CTCF: variants seen among roughly 807,000 people sequenced by gnomAD.
The protein encoded by CTCF is transcriptional repressor CTCF.
Under a neutral mutation model 72.3 loss-of-function variants are expected in CTCF, and 7 were observed. The observed-to-expected ratio is 0.10, with a 90% CI of 0.06 to 0.18. The LOEUF (loss-of-function observed/expected upper bound fraction) is 0.18, where lower values mean the gene tolerates loss of function less well. Ranked by LOEUF, CTCF falls within the 10% of genes least tolerant of loss-of-function variation. The probability of loss-of-function intolerance (pLI) is 1.00; values close to 1 mark genes in which losing one functional copy is unlikely to be tolerated. For synonymous variants in CTCF, 374 were observed against 315.8 expected, an observed-to-expected ratio of 1.18 and a Z score of -1.95; for missense variants, 516 against 949.1, an observed-to-expected ratio of 0.54 and a Z score of 6.00.
intron 2 of CTCF, among the ~76,000 whole-genome samples, chr16:67,606,477 G>A (rs924417835): frequency 1.3e-5 from 2 of 152,134 alleles, no homozygotes; most frequent in Non-Finnish European, 2.9e-5. Flanking sequence ...TGTAGGACCA[G>A]GCCTCCCAAA....
chr16:67,636,544 T>C lies in CTCF; in HGVS notation c.1838-146T>C, dbSNP rs146287441. 0.026 allele frequency: 5,751 copies of C among 220,496 alleles called. 105 individuals carry two copies. Among genetic ancestry groups the C allele is most frequent in the South Asian group, 0.053 (308 of 5,782 alleles). The allele number at this position is 220,496 out of a possible 1,614,324, so 13.7% of individuals were successfully genotyped here. On this transcript the variant is annotated intron_variant, in intron 10 of 11. Coordinates refer to ENST00000264010, the MANE Select transcript of CTCF (RefSeq NM_006565.4). ...GCCTGGGCAATAGAGTGAGACTGTC[T>C]CAAAAAAAAAAAAAGAAAGAAAGTG... is the stretch of plus-strand genomic sequence containing the variant.
intron 2 of CTCF, among the ~76,000 whole-genome samples, chr16:67,596,925 A>C (rs1448504256): frequency 6.6e-6 from 1 of 152,168 alleles, no homozygotes; most frequent in African/African-American, 2.4e-5. Flanking sequence ...TTAAAATCTC[A>C]ATCATTTCCT....
At chr16:67,610,244 G>C (rs550602900) in intron 2 of CTCF, among the ~76,000 whole-genome samples, 1 of 151,950 alleles carries the variant, frequency 6.6e-6, no homozygotes, top group East Asian at 1.9e-4. Flanking sequence ...AACATCCTGA[G>C]TCACCAATTT....
intron 10 of CTCF, among the ~76,000 whole-genome samples, chr16:67,633,781 GACACACACACACAC>G (rs10587869): frequency 4.2e-5 from 6 of 143,106 alleles, no homozygotes; most frequent in South Asian, 2.2e-4. Flanking sequence ...CTTGTCCCCT[GACACACACACACAC>G]ACACACACAC....
At chr16:67,610,350 C>CTTTTTTTTTTT (rs1158978403) in intron 2 of CTCF, among the ~76,000 whole-genome samples, 4 of 121,388 alleles carry the variant, frequency 3.3e-5, no homozygotes, top group Non-Finnish European at 6.9e-5. Context: ...TTTTCTTTTT[C>CTTTTTTTTTTT]TTTTTTTTTT....
intron 2 of CTCF, among the ~76,000 whole-genome samples, chr16:67,573,477 A>G (rs767454130): frequency 6.6e-6 from 1 of 152,134 alleles, no homozygotes; most frequent in Non-Finnish European, 1.5e-5. Context: ...TATTAAAACA[A>G]ATAGACATTT....
chr16:67,607,847 G>A (rs950492354), intron 2 of CTCF, among the ~76,000 whole-genome samples: 39 of 150,534 alleles, frequency 2.6e-4, no homozygotes, highest in African/African-American at 8.1e-4. Flanking sequence ...GTGAAACCCC[G>A]TATCTGCTAA....
Position 67,621,475 on chromosome 16 carries a change from C to A in CTCF, c.1241C>A (p.Ala414Asp). Residue 414 changes from alanine (A) to aspartate (D), a missense_variant, in exon 7 of 12, where the codon GCT becomes GAT. Ala to Asp is a moderately radical substitution (Grantham distance 126). Coordinates refer to ENST00000264010, the MANE Select transcript of CTCF (RefSeq NM_006565.4). ...EKPYECYICHARFTQSGTMKM... is the reference protein window; with the variant it reads ...EKPYECYICHDRFTQSGTMKM... ...CCTTATGAATGTTATATTTGTCATG[C>A]TCGGTTTACCCAAAGTGGTACCATG... The A allele has an allele frequency of 6.2e-7, 1 of 1,610,382 alleles. No individual in the cohort carries two copies. Among genetic ancestry groups the A allele is most frequent in the Non-Finnish European group, 8.5e-7 (1 of 1,176,854 alleles).
At chr16:67,588,708 A>G (rs996183809) in intron 2 of CTCF, among the ~76,000 whole-genome samples, 3 of 151,640 alleles carry the variant, frequency 2.0e-5, no homozygotes, top group African/African-American at 7.3e-5. Context: ...TTTTTTTGAT[A>G]CAGATTCTCA....
At chr16:67,637,527 T>C (rs780434640) in intron 11 of CTCF, among the ~76,000 whole-genome samples, 161 bp from the exon 12 acceptor site, 1 of 152,104 alleles carries the variant, frequency 6.6e-6, no homozygotes, top group Non-Finnish European at 1.5e-5. Flanking sequence ...CAAGACTCCG[T>C]CTCAAAAAAT....
chr16:67,598,599 A>G (rs188256955), intron 2 of CTCF, among the ~76,000 whole-genome samples: 27 of 152,382 alleles, frequency 1.8e-4, no homozygotes, highest in Non-Finnish European at 3.7e-4. Context: ...TAGGTTTCAC[A>G]ATGAAAGAAA....
In CTCF at chr16:67,620,732, T is replaced by C. The variant is rs1174919011; in HGVS notation, c.1122T>C (p.Thr374=). 6.3e-7 allele frequency: 1 copy of C among 1,597,016 alleles called. No homozygotes were observed. The highest frequency in any genetic ancestry group is 8.6e-7 in the Non-Finnish European group (1 of 1,166,898). The part of the protein sequence containing the change: ...SKLKRHIRSH[T]GERPFQCSLC... ...TAAAACGTCACATTCGCTCTCATAC[T>C]GGAGAGCGTCCGTTTCAGTGCAGTT... Residue 374 remains threonine, a synonymous_variant, in exon 6 of 12, where the codon ACT becomes ACC. Coordinates refer to ENST00000264010, the MANE Select transcript of CTCF (RefSeq NM_006565.4).
intron 1 of CTCF, among the ~76,000 whole-genome samples, chr16:67,569,453 GGATTACA>G (rs2051384588): frequency 1.3e-5 from 2 of 152,104 alleles, no homozygotes; most frequent in African/African-American, 4.8e-5. Context: ...CAAAGTGCTG[GGATTACA>G]GGTGTGAGCC....
intron 2 of CTCF, among the ~76,000 whole-genome samples, chr16:67,587,098 A>AG (rs2051678685): frequency 7.1e-6 from 1 of 140,190 alleles, no homozygotes; most frequent in African/African-American, 2.7e-5. Context: ...AACTTCTTAA[A>AG]CATTTTTTTT....
chr16:67,620,623 T>G, intron 5 of CTCF, 74 bp from the exon 6 acceptor site: 1 of 1,306,868 alleles, frequency 7.7e-7, no homozygotes, highest in Non-Finnish European at 1.0e-6. Flanking sequence ...GCTAAGCTTT[T>G]GTGCCTAACC....
intron 2 of CTCF, among the ~76,000 whole-genome samples, chr16:67,573,477 A>C (rs767454130): frequency 4.6e-5 from 7 of 152,134 alleles, no homozygotes; most frequent in Non-Finnish European, 8.8e-5. Flanking sequence ...TATTAAAACA[A>C]ATAGACATTT....
chr16:67,593,294 C>A (rs996436078), intron 2 of CTCF, among the ~76,000 whole-genome samples: 2 of 151,730 alleles, frequency 1.3e-5, no homozygotes, highest in Admixed American at 1.3e-4. Flanking sequence ...TGCTCATCAC[C>A]CAGGTAATGA....
At chr16:67,618,556 A>G (rs968437167) in intron 5 of CTCF, among the ~76,000 whole-genome samples, 1 of 152,242 alleles carries the variant, frequency 6.6e-6, no homozygotes, top group Admixed American at 6.5e-5. Context: ...ATCCTAGCTA[A>G]TCGAATAAAG....
chr16:67,567,481 G>T (rs1435198314), intron 1 of CTCF, among the ~76,000 whole-genome samples: 2 of 152,160 alleles, frequency 1.3e-5, no homozygotes, highest in African/African-American at 4.8e-5. Flanking sequence ...GGAGACTTTA[G>T]CTTCATCTAA....
Sources: allele counts gnomAD v4.1 joint callset (sites outside exome capture counted in the v4.1 genomes callset), GRCh38; gene constraint gnomAD v4.1.1; transcripts MANE v1.5; gene names NCBI Gene and HGNC (gene_info 2026-07-23, HGNC 2026-07-21).